The following GOSR2 variants were observed in gnomAD, a reference collection of about 807,000 sequenced individuals.
GOSR2 encodes golgi SNAP receptor complex member 2.
GOSR2 carries 20 observed loss-of-function variants against 27.9 expected under a neutral mutation model. The observed-to-expected ratio is 0.72, with a 90% confidence interval of 0.50 to 1.04. The LOEUF is 1.04. Ranked by LOEUF, GOSR2 falls within the 50% of genes least tolerant of loss-of-function variation. The pLI is 0.00. For synonymous variants in GOSR2, 91 were observed against 98.8 expected (o/e 0.92, Z 0.47); for missense variants, 261 against 270.5 (o/e 0.97, Z 0.25).
At chr17:46,930,985 TGAAATATGTA>T in intron 2 of GOSR2, 104 bp from the exon 3 acceptor site, 1 of 703,100 alleles carries the variant, frequency 1.4e-6, no homozygotes, top group South Asian at 1.6e-5. Flanking sequence ...TTTCTCCTTT[TGAAATATGTA>T]GTTCTAGTTT....
chr17:46,939,949 A>G lies in GOSR2; in HGVS notation c.*1189A>G. 2.0e-6 allele frequency: 2 copies of G among 1,007,790 alleles called. No homozygotes were observed. The highest frequency in any genetic ancestry group is 2.4e-6 in the Non-Finnish European group (2 of 841,992). 62.4% of individuals were successfully genotyped at this position (1,007,790 alleles called of 1,614,324 possible). The stretch of plus-strand genomic sequence containing the variant: ...TACCACAGGCCTACCAGCCCTGGGC[A>G]CAGCAGCTTCATGGCAAGACATAAA... On this transcript the variant is annotated 3_prime_UTR_variant, in exon 6 of 6. Transcript: ENST00000640051.
chr17:46,948,252 A>G (rs2090068007), intron 6 of GOSR2, among the ~76,000 whole-genome samples: 1 of 152,226 alleles, frequency 6.6e-6, no homozygotes. Flanking sequence ...AGCTGTGGCC[A>G]GTGCATACTG....
At chr17:46,973,600 C>T (rs562603169) in intron 6 of GOSR2, among the ~76,000 whole-genome samples, 2 of 152,236 alleles carry the variant, frequency 1.3e-5, no homozygotes, top group South Asian at 2.1e-4. Flanking sequence ...GGTGAGCAGG[C>T]GCTGCCTCAG....
At chr17:46,959,652 AG>A (rs2090942553) in intron 6 of GOSR2, among the ~76,000 whole-genome samples, 1 of 152,228 alleles carries the variant, frequency 6.6e-6, no homozygotes, top group Admixed American at 6.5e-5. Context: ...CATGGATAGC[AG>A]TCCCCTTATG....
chr17:46,971,128 A>G (rs774480571), downstream of GOSR2, among the ~76,000 whole-genome samples: 3 of 152,174 alleles, frequency 2.0e-5, no homozygotes, highest in Non-Finnish European at 4.4e-5. Context: ...ATTTGAGGTC[A>G]GGAGTTTGAG....
intron 3 of GOSR2, chr17:46,931,804 C>CT (rs1438179719): frequency 7.4e-5 from 40 of 539,498 alleles, no homozygotes; most frequent in Non-Finnish European, 1.2e-4. Context: ...CCCCTGTTCT[C>CT]TGTCATGCAT....
intron 2 of GOSR2, chr17:46,930,414 A>G (rs1417534513): frequency 1.3e-5 from 2 of 152,346 alleles, no homozygotes; most frequent in African/African-American, 2.4e-5. Flanking sequence ...CATGATTAGA[A>G]ATGGAAAGAG....
downstream of GOSR2, among the ~76,000 whole-genome samples, chr17:46,969,714 AAG>A (rs2091371660): frequency 6.6e-6 from 1 of 152,174 alleles, no homozygotes; most frequent in Non-Finnish European, 1.5e-5. Flanking sequence ...AAAACAATGA[AAG>A]AGGCTTGGCA....
rs1305687118 is a variant in GOSR2, at chr17:46,938,659, C to T, written c.538C>T (p.Arg180Trp). ...NMLGLSNTVM[R>W]LIEKRAFQDK... is the part of the protein sequence containing the mutation. ...GCTGGGCTTGTCCAACACAGTGATG[C>T]GGCTCATCGAGAAGCGGGCTTTCCA... Residue 180 changes from arginine (R) to tryptophan (W), a missense_variant, in exon 6 of 6, where the codon CGG becomes TGG. By Grantham distance (101) the Arg-to-Trp change is moderately radical. Coordinates refer to ENST00000640051, the MANE Select transcript of GOSR2 (RefSeq NM_004287.5). The T allele has an allele frequency of 6.8e-6, 11 of 1,613,906 alleles. No homozygotes were observed. The African/African-American group carries it at 8.0e-5, about 12-fold the overall frequency.
chr17:46,936,810 T>G (rs2088463820), intron 5 of GOSR2: 1 of 984,624 alleles, frequency 1.0e-6, no homozygotes, highest in Non-Finnish European at 1.2e-6. Flanking sequence ...ATTTCTCTGA[T>G]CTCTGATGGC....
chr17:46,947,024 G>A (rs1301411126), intron 6 of GOSR2, among the ~76,000 whole-genome samples: 1 of 152,182 alleles, frequency 6.6e-6, no homozygotes, highest in Non-Finnish European at 1.5e-5. Flanking sequence ...ATTCACAGGG[G>A]AGCCATGTGA....
intron 6 of GOSR2, among the ~76,000 whole-genome samples, chr17:46,958,210 A>G (rs1029462175): frequency 6.6e-6 from 1 of 152,234 alleles, no homozygotes; most frequent in African/African-American, 2.4e-5. Context: ...AGGCCAACCA[A>G]CTTGGAGGGC....
chr17:46,935,196 GAA>G (rs777335200), intron 5 of GOSR2, 27 bp downstream of exon 5: 3 of 1,613,318 alleles, frequency 1.9e-6, no homozygotes, highest in Non-Finnish European at 2.5e-6. Context: ...GGGACAGAGA[GAA>G]GGCCTCTTGT....
downstream of GOSR2, among the ~76,000 whole-genome samples, chr17:46,971,329 T>G (rs796488168): frequency 1.3e-5 from 2 of 152,208 alleles, no homozygotes; most frequent in African/African-American, 4.8e-5. Flanking sequence ...AGAGCGAGAC[T>G]CCTTCTCAAA....
At chr17:46,946,330 G>A (rs909774680), downstream of GOSR2, among the ~76,000 whole-genome samples, 6 of 149,898 alleles carry the variant, frequency 4.0e-5, no homozygotes, top group South Asian at 2.1e-4. Flanking sequence ...GAGTGGTGGC[G>A]CATGCCTGTA....
Position 46,935,711 on chromosome 17 carries a change from G to A in GOSR2, c.477+542G>A, listed in dbSNP as rs1016937148. ...TAAAGCCCGTGCTGGTGATCCCAGC[G>A]ACTCTTCACTCCCTAGCCTTAGGTA... is the stretch of plus-strand genomic sequence containing the variant. On this transcript the variant is annotated intron_variant, in intron 5 of 5. Coordinates refer to ENST00000640051, the MANE Select transcript of GOSR2 (RefSeq NM_004287.5). The A allele has an allele frequency of 1.8e-5, 18 of 988,872 alleles. No individual in the cohort carries two copies. The African/African-American group carries it at 2.1e-4, about 11-fold the overall frequency. The allele number at this position is 988,872 out of a possible 1,614,324, so 61.3% of individuals were successfully genotyped here.
intron 3 of GOSR2, 105 bp from the exon 4 acceptor site, chr17:46,931,962 G>T: frequency 1.0e-6 from 1 of 953,474 alleles, no homozygotes. Context: ...GGGTGGTGTA[G>T]GGAGAAGTAA....
chr17:46,942,580 A>G (rs767659563), downstream of GOSR2, among the ~76,000 whole-genome samples: 9 of 152,316 alleles, frequency 5.9e-5, no homozygotes, highest in South Asian at 2.1e-4. Context: ...GGCATGGACT[A>G]TAGAGCTATA....
chr17:46,960,277 A>G (rs1338085279), intron 6 of GOSR2, among the ~76,000 whole-genome samples: 1 of 152,226 alleles, frequency 6.6e-6, no homozygotes, highest in Non-Finnish European at 1.5e-5. Context: ...AATAGAAGAC[A>G]AATTAGACAC....
Sources: gnomAD v4.1 joint callset for allele counts (sites outside exome capture counted in the v4.1 genomes callset) on GRCh38, gnomAD v4.1.1 for gene constraint, MANE v1.5 for transcripts, NCBI Gene and HGNC (gene_info 2026-07-23, HGNC 2026-07-21) for gene names.